Variants in KIF3C observed in about 807,000 individuals in gnomAD.
The protein encoded by KIF3C is kinesin-like protein KIF3C.
In KIF3C, 12 loss-of-function variants were observed where a neutral mutation model predicts 67.7. That is an observed-to-expected ratio of 0.18 (90% CI 0.11 to 0.29). KIF3C has a LOEUF of 0.29. Among genes scored for constraint, KIF3C ranks in the 10% least tolerant of loss-of-function variants. The probability of loss-of-function intolerance (pLI) is 1.00; values close to 1 mark genes in which losing one functional copy is unlikely to be tolerated. For synonymous variants in KIF3C, 393 were observed against 426.2 expected (o/e 0.92, Z 0.96); for missense variants, 789 against 1,059.6 (o/e 0.74, Z 3.55).
In KIF3C at chr2:25,928,588, G is replaced by A. The variant is rs2090430489; in HGVS notation, c.*390C>T. 1 of 167,746 alleles carries A rather than the reference G, an allele frequency of 6.0e-6. No individual in the cohort carries two copies. Among genetic ancestry groups the A allele is most frequent in the Non-Finnish European group, 1.3e-5 (1 of 77,290 alleles). The allele number at this position is 167,746 out of a possible 1,614,324, so 10.4% of individuals were successfully genotyped here. On this transcript the variant is annotated 3_prime_UTR_variant, in exon 8 of 8. Coordinates refer to ENST00000264712, the MANE Select transcript of KIF3C (RefSeq NM_002254.8). ...CAGTGTGGGAGAAGATGGAGGTTAT[G>A]GAGTGCGGTGGGTAGAAAAGGGACT...
rs548943356 is a variant in KIF3C, at chr2:25,927,115, A to G, written c.*1863T>C. ...ACCATACCTCGGGCCCAGCCCTCGG[A>G]CTGGGGGGGCTGATTTGGGTATATT... On this transcript the variant is annotated 3_prime_UTR_variant, in exon 8 of 8. Coordinates refer to ENST00000264712, the MANE Select transcript of KIF3C (RefSeq NM_002254.8). 1.7e-4 allele frequency: 26 copies of G among 152,772 alleles called. No homozygotes were observed. Among genetic ancestry groups the G allele is most frequent in the African/African-American group, 6.3e-4 (26 of 41,562 alleles). 9.5% of individuals were successfully genotyped at this position (152,772 alleles called of 1,614,324 possible).
rs138767216 is a variant in KIF3C at position 25,951,621 on chromosome 2, C to T, written c.2006+168G>A. ...GAACACCCTTCCATCATAGAGACCC[C>T]TACAATTAGATCCTGAGAAATTCAT... On this transcript the variant is annotated intron_variant, in intron 5 of 7. Transcript: ENST00000264712. 1.3e-3 allele frequency: 750 copies of T among 577,840 alleles called. 2 individuals are homozygous for T. Among genetic ancestry groups the T allele is most frequent in the African/African-American group, 0.013 (682 of 53,172 alleles). 35.8% of individuals were successfully genotyped at this position (577,840 alleles called of 1,614,324 possible).
At chr2:25,971,062 G>C (rs1380756786) in intron 1 of KIF3C, among the ~76,000 whole-genome samples, 1 of 151,854 alleles carries the variant, frequency 6.6e-6, no homozygotes, top group Non-Finnish European at 1.5e-5. Context: ...CACAAGGTCA[G>C]GAGATGGAGA....
chr2:25,965,185 AC>A (rs1664108432), intron 1 of KIF3C, among the ~76,000 whole-genome samples: 1 of 151,982 alleles, frequency 6.6e-6, no homozygotes, highest in South Asian at 2.1e-4. Flanking sequence ...ACTTGCTCAA[AC>A]CCACACTCTC....
In KIF3C at chr2:25,954,284, G is replaced by T. The variant is rs147256637; in HGVS notation, c.1872C>A (p.Thr624=). 6.2e-7 allele frequency: 1 copy of T among 1,613,908 alleles called. No homozygotes were observed. Among genetic ancestry groups the T allele is most frequent in the Admixed American group, 1.7e-5 (1 of 60,012 alleles). ...GGCCCTACTTGAGCTTGAGTTCGCG[G>T]GTCTGCTCGTTCTGCGCCTCCTCCA... ...QDLEEAQNEQ[T]RELKLKYLII... The change falls in exon 4 of 8, where the codon ACC becomes ACA. Residue 624 remains threonine (T), a synonymous_variant. Coordinates refer to ENST00000264712, the MANE Select transcript of KIF3C (RefSeq NM_002254.8).
At chr2:25,956,490 C>T (rs376820726) in intron 1 of KIF3C, 46 bp from the exon 2 acceptor site, 2 of 1,431,090 alleles carry the variant, frequency 1.4e-6, no homozygotes, top group Non-Finnish European at 2.0e-6. Flanking sequence ...AAAGGGTCCA[C>T]AACATTGCTA....
At position 25,962,882 on chromosome 2, in the gene KIF3C, TATATATAATATAA is replaced by T. The variant is rs1664003586; in HGVS notation, c.1546-6451_1546-6439del. Among the ~76,000 whole-genome samples, 2 of 69,424 alleles carry T rather than the reference TATATATAATATAA, an allele frequency of 2.9e-5. 1 individual carries two copies. The highest frequency in any genetic ancestry group is 5.0e-5 in the Non-Finnish European group (2 of 40,162). The allele number at this position is 69,424 out of a possible 152,430, so 45.5% of individuals were successfully genotyped here. A position where few individuals can be genotyped will look rare whatever the true frequency, so the allele number is the denominator to read the frequency against. On this transcript the variant is annotated intron_variant, in intron 1 of 7. Coordinates refer to ENST00000264712, the MANE Select transcript of KIF3C (RefSeq NM_002254.8). ...TATATAATATATATAATATATAAAATATATATAATATAAAATATATATAATATATAATATATAT... is the reference window on the plus strand; with the variant it reads ...TATATAATATATATAATATATAAAATAATATATATAATATATAATATATAT...
intron 1 of KIF3C, among the ~76,000 whole-genome samples, chr2:25,967,698 T>G (rs1044752680): frequency 2.6e-5 from 4 of 152,156 alleles, no homozygotes; most frequent in African/African-American, 7.2e-5. Flanking sequence ...TGTAGTTCCA[T>G]CTCTGTAATC....
intron 1 of KIF3C, among the ~76,000 whole-genome samples, chr2:25,962,076 T>C (rs1011108787): frequency 2.0e-5 from 3 of 152,112 alleles, no homozygotes; most frequent in Non-Finnish European, 4.4e-5. Context: ...TCCTGGCACA[T>C]AGAGTAAGAG....
intron 5 of KIF3C, among the ~76,000 whole-genome samples, chr2:25,933,462 G>T (rs1485000510): frequency 6.6e-6 from 1 of 152,008 alleles, no homozygotes; most frequent in African/African-American, 2.4e-5. Context: ...CTTGAGCCCA[G>T]AAATTTGAGT....
chr2:25,955,046 C>T lies in KIF3C; in HGVS notation c.1770+495G>A, dbSNP rs1037896863. On this transcript the variant is annotated intron_variant, in intron 3 of 7. Transcript: ENST00000264712. The surrounding 1 kb of genome is among the most constrained non-coding windows in gnomAD (Gnocchi z 5.0). ...AGCTAGAGCTTTGCTGCTTCCTGCC[C>T]TAGACCCCCCTCACATGTACATGTC... is the stretch of plus-strand genomic sequence containing the variant. 1.3e-5 allele frequency among the ~76,000 whole-genome samples: 2 copies of T among 152,204 alleles called. No individual in the cohort carries two copies. Among genetic ancestry groups the T allele is most frequent in the Non-Finnish European group, 2.9e-5 (2 of 68,036 alleles).
intron 5 of KIF3C, among the ~76,000 whole-genome samples, chr2:25,939,249 T>C (rs1464759130): frequency 6.6e-6 from 1 of 152,196 alleles, no homozygotes; most frequent in Non-Finnish European, 1.5e-5. Flanking sequence ...ATTACAGGTG[T>C]GAGCCACCGC....
chr2:25,942,355 A>T (rs113601106), intron 5 of KIF3C, among the ~76,000 whole-genome samples: 158 of 152,204 alleles, frequency 1.0e-3, no homozygotes, highest in African/African-American at 3.4e-3. Context: ...ATTATGAGAA[A>T]CTAAAAATAA....
chr2:25,941,501 T>C (rs1294433589), intron 5 of KIF3C, among the ~76,000 whole-genome samples: 2 of 150,224 alleles, frequency 1.3e-5, no homozygotes, highest in Non-Finnish European at 3.0e-5. Context: ...GTGAACTGCT[T>C]GACATCAGGA....
At chr2:25,954,839 C>T (rs1035557852) in intron 3 of KIF3C, among the ~76,000 whole-genome samples, 3 of 152,198 alleles carry the variant, frequency 2.0e-5, no homozygotes, top group Non-Finnish European at 4.4e-5. Context: ...CCCTCCCACT[C>T]CAGTCTCTTC....
chr2:25,952,563 A>ATT (rs371570181), intron 4 of KIF3C, among the ~76,000 whole-genome samples: 1 of 103,660 alleles, frequency 9.6e-6, no homozygotes, highest in Non-Finnish European at 2.1e-5. Flanking sequence ...ATATATATAT[A>ATT]TTTTTTTTTT....
At position 25,955,858 on chromosome 2, in the gene KIF3C, G is replaced by A. The variant is rs28368374; in HGVS notation, c.1648-195C>T. Among the ~76,000 whole-genome samples, 6,766 of 152,142 alleles carry A rather than the reference G, an allele frequency of 0.044. 476 individuals carry two copies. Among genetic ancestry groups the A allele is most frequent in the African/African-American group, 0.15 (6,217 of 41,490 alleles). On this transcript the variant is annotated intron_variant, in intron 2 of 7. Transcript: ENST00000264712. This position sits in a 1 kb window ranked among gnomAD's most constrained non-coding sequence, Gnocchi z 5.0. The stretch of plus-strand genomic sequence containing the variant: ...TCTCAGTTCCCAGGGCCATGCCTTT[G>A]CCAGGCTCTGCCCCATGTGGATGGA...
At chr2:25,973,900 A>G (rs371104684) in intron 1 of KIF3C, among the ~76,000 whole-genome samples, 4 of 152,124 alleles carry the variant, frequency 2.6e-5, no homozygotes, top group East Asian at 1.9e-4. Context: ...TTGCAGTCAG[A>G]CTCTGAAGCG....
chr2:25,954,380 G>A lies in KIF3C; in HGVS notation c.1776C>T (p.Tyr592=), dbSNP rs745868143. 8 of 1,612,854 alleles carry A rather than the reference G, an allele frequency of 5.0e-6. No individual in the cohort carries two copies. The highest frequency in any genetic ancestry group is 2.2e-5 in the South Asian group (2 of 91,046). The change falls in exon 4 of 8, where the codon TAC becomes TAT. Residue 592 remains tyrosine, a synonymous_variant. Transcript: ENST00000264712. ...EVKTKKLKKL[Y]AKLQAVKAEI... is the part of the protein sequence containing the mutation. ...CCGCCTTCACCGCCTGCAGCTTGGC[G>A]TAGAGCTGGGTGGGGACAGGTGCCA...
Sources: allele counts gnomAD v4.1 joint callset (sites outside exome capture counted in the v4.1 genomes callset), GRCh38; gene constraint gnomAD v4.1.1; non-coding constraint Gnocchi (gnomAD v3.1); transcripts MANE v1.5; gene names NCBI Gene and HGNC (gene_info 2026-07-23, HGNC 2026-07-21).